The following MAD2L2 variants were observed in gnomAD, a reference collection of about 807,000 sequenced individuals.
MAD2L2 encodes mitotic spindle assembly checkpoint protein MAD2B.
MAD2L2 carries 17 observed loss-of-function variants against 30.5 expected under a neutral mutation model. The observed-to-expected ratio is 0.56, with a 90% CI of 0.38 to 0.84. MAD2L2 has a LOEUF of 0.84. Ranked by LOEUF, MAD2L2 falls within the 40% of genes least tolerant of loss-of-function variation. The pLI, the probability that MAD2L2 is intolerant of heterozygous loss-of-function variation, is 0.00. For synonymous variants in MAD2L2, 101 were observed against 113.9 expected (o/e 0.89, Z 0.72); for missense variants, 213 against 277.4 (o/e 0.77, Z 1.65).
intron 3 of MAD2L2, 98 bp from the exon 4 acceptor site, chr1:11,677,712 A>C: frequency 2.1e-6 from 2 of 959,132 alleles, no homozygotes; most frequent in East Asian, 5.1e-5. Context: ...CTTCGGTCCG[A>C]GGCCCAGCAG....
Position 11,680,407 on chromosome 1 carries a change from C to G in MAD2L2, c.105G>C (p.Glu35Asp). ...VAVHLILYVR[E>D]VYPVGIFQKR... Reference sequence around the variant, plus strand: ...TCTGGAAGATGCCCACGGGGTAGACCTCGCGCACGTAGAGGATGAGATGCA... The same window carrying G: ...TCTGGAAGATGCCCACGGGGTAGACGTCGCGCACGTAGAGGATGAGATGCA... The change falls in exon 3 of 9, where the codon GAG becomes GAC. Residue 35 changes from glutamate (E) to aspartate (D), a missense_variant. Glu to Asp is a conservative substitution (Grantham distance 45, BLOSUM62 2). Coordinates refer to ENST00000376692, the MANE Select transcript of MAD2L2 (RefSeq NM_006341.4). The G allele has an allele frequency of 1.9e-6, 3 of 1,614,026 alleles. No homozygotes were observed. The highest frequency in any genetic ancestry group is 2.5e-6 in the Non-Finnish European group (3 of 1,179,974).
At chr1:11,684,186 A>C (rs1398142299), upstream of MAD2L2, among the ~76,000 whole-genome samples, 1 of 144,662 alleles carries the variant, frequency 6.9e-6, no homozygotes, top group Admixed American at 6.8e-5. Flanking sequence ...GGGCAGGGGC[A>C]GGGGGCCGAG....
chr1:11,679,045 TC>T (rs1258173076), intron 3 of MAD2L2, among the ~76,000 whole-genome samples: 1 of 152,162 alleles, frequency 6.6e-6, no homozygotes, highest in East Asian at 1.9e-4. Context: ...ACGCCTGTAA[TC>T]CCAGCTACTC....
chr1:11,679,289 T>C (rs1317025325), intron 3 of MAD2L2, among the ~76,000 whole-genome samples: 2 of 152,248 alleles, frequency 1.3e-5, no homozygotes, highest in Non-Finnish European at 2.9e-5. Flanking sequence ...GGGGACCACC[T>C]GGATGTCCTT....
At chr1:11,685,978 A>T (rs893678160), upstream of MAD2L2, among the ~76,000 whole-genome samples, 2 of 152,202 alleles carry the variant, frequency 1.3e-5, no homozygotes, top group East Asian at 1.9e-4. Context: ...AATAAAGTGC[A>T]CAATGCCTGG....
rs368312277 is a variant in MAD2L2, at chr1:11,680,625, G to C, written c.-12-12C>G. On this transcript the variant is annotated splice_polypyrimidine_tract_variant and intron_variant, in intron 1 of 8. Coordinates refer to ENST00000376692, the MANE Select transcript of MAD2L2 (RefSeq NM_006341.4). ...ATCCTTCCCGCTACCTGAGTGTTGG[G>C]GCAAGGGCAGAGGGTAGTTCCAGAG... 1 of 1,548,732 alleles carries C rather than the reference G, an allele frequency of 6.5e-7. No individual in the cohort carries two copies. The highest frequency in any genetic ancestry group is 1.8e-4 in the Middle Eastern group (1 of 5,702).
upstream of MAD2L2, among the ~76,000 whole-genome samples, chr1:11,685,381 A>G (rs1640941088): frequency 6.6e-6 from 1 of 152,200 alleles, no homozygotes; most frequent in Non-Finnish European, 1.5e-5. Context: ...CGTCGACTTC[A>G]GTGCCCGGGC....
Position 11,676,221 on chromosome 1 carries a change from G to A in MAD2L2, c.333-81C>T, listed in dbSNP as rs948673208. On this transcript the variant is annotated intron_variant, in intron 5 of 8. Coordinates refer to ENST00000376692, the MANE Select transcript of MAD2L2 (RefSeq NM_006341.4). ...CATCAAGCCTGGATGCAGACCTGGG[G>A]TACAAGACCCCCTCCAGTGCCTGTG... The A allele has an allele frequency of 5.2e-4, 451 of 867,794 alleles. 4 individuals carry two copies. Among genetic ancestry groups the A allele is most frequent in the Middle Eastern group, 3.5e-4 (1 of 2,822 alleles). 53.8% of individuals were successfully genotyped at this position (867,794 alleles called of 1,614,324 possible). A position where few individuals can be genotyped will look rare whatever the true frequency, so the allele number is the denominator to read the frequency against.
chr1:11,677,313 C>G (rs28924109), intron 4 of MAD2L2: 1 of 598,842 alleles, frequency 1.7e-6, no homozygotes, highest in South Asian at 2.1e-5. Context: ...TTAGAGCCAG[C>G]TCCAACCCGG....
chr1:11,679,895 G>A (rs1407894274), intron 3 of MAD2L2, among the ~76,000 whole-genome samples: 1 of 151,920 alleles, frequency 6.6e-6, no homozygotes, highest in Non-Finnish European at 1.5e-5. Flanking sequence ...TCTGAGGGGT[G>A]GGTAGGCATC....
intron 3 of MAD2L2, among the ~76,000 whole-genome samples, chr1:11,679,721 C>T (rs1024605350): frequency 5.9e-5 from 9 of 152,044 alleles, no homozygotes; most frequent in Admixed American, 2.0e-4. Context: ...GAGACAGGAT[C>T]TCATCATGTT....
At chr1:11,685,466 C>A (rs981474384), upstream of MAD2L2, among the ~76,000 whole-genome samples, 1 of 152,152 alleles carries the variant, frequency 6.6e-6, no homozygotes, top group Admixed American at 6.5e-5. Context: ...CCTATGGTGT[C>A]CCCAGCACCC....
Position 11,688,326 on chromosome 1 carries a change from G to A in MAD2L2, c.-692+3087C>T, listed in dbSNP as rs1337206654. Among the ~76,000 whole-genome samples, 6 of 152,162 alleles carry A rather than the reference G, an allele frequency of 3.9e-5. No individual in the cohort carries two copies. The East Asian group carries it at 5.8e-4, about 15-fold the overall frequency. On this transcript the variant is annotated intron_variant, in intron 1 of 10. Transcript: ENST00000235310. This position sits in a 1 kb window ranked among gnomAD's most constrained non-coding sequence, Gnocchi z 4.6. ...TGTAATCCCAGAACTTTGGGAGGCC[G>A]AGGCTGGCGAATCACCTGAGGTCAG...
chr1:11,676,240 G>A, intron 5 of MAD2L2, 100 bp from the exon 6 acceptor site: 2 of 692,216 alleles, frequency 2.9e-6, no homozygotes, highest in Non-Finnish European at 4.9e-6. Context: ...CCCCTCCAGT[G>A]CCTGTGAGAG....
rs1640721172 is a variant in MAD2L2, at chr1:11,674,491, C to T, written c.*284G>A. 1 of 381,420 alleles carries T rather than the reference C, an allele frequency of 2.6e-6. No individual in the cohort carries two copies. Among genetic ancestry groups the T allele is most frequent in the Admixed American group, 4.5e-5 (1 of 22,430 alleles). 23.6% of individuals were successfully genotyped at this position (381,420 alleles called of 1,614,324 possible). On this transcript the variant is annotated 3_prime_UTR_variant, in exon 9 of 9. Coordinates refer to ENST00000376692, the MANE Select transcript of MAD2L2 (RefSeq NM_006341.4). This position sits in a 1 kb window ranked among gnomAD's most constrained non-coding sequence, Gnocchi z 6.1. ...AATGATGGCTCAGCTCAGCCCAGCC[C>T]TTGGGGCCCCTTTATTGAAACAACT...
At position 11,674,637 on chromosome 1, in the gene MAD2L2, G is replaced by A. The variant is rs1570282719; in HGVS notation, c.*138C>T. 1.3e-5 allele frequency: 11 copies of A among 868,632 alleles called. No homozygotes were observed. The highest frequency in any genetic ancestry group is 5.0e-5 in the East Asian group (2 of 39,838). The allele number at this position is 868,632 out of a possible 1,614,324, so 53.8% of individuals were successfully genotyped here. ...AGGCATCCTCCAAGCAGACCTGAGC[G>A]GCCCCGGGCTGGGGCGGGCGATCCA... On this transcript the variant is annotated 3_prime_UTR_variant, in exon 9 of 9. Transcript: ENST00000376692. This position sits in a 1 kb window ranked among gnomAD's most constrained non-coding sequence, Gnocchi z 6.1.
intron 3 of MAD2L2, among the ~76,000 whole-genome samples, 167 bp downstream of exon 3, chr1:11,680,186 G>A (rs932645882): frequency 6.6e-6 from 1 of 151,534 alleles, no homozygotes; most frequent in Non-Finnish European, 1.5e-5. Flanking sequence ...AGTAGAGACG[G>A]GGTTTCACCA....
chr1:11,675,631 C>A, intron 7 of MAD2L2, 27 bp downstream of exon 7: 1 of 1,610,694 alleles, frequency 6.2e-7, no homozygotes, highest in Non-Finnish European at 8.5e-7. Flanking sequence ...AGAGCCTGCG[C>A]CCAGACCCAG....
chr1:11,680,888 G>T, intron 1 of MAD2L2, 151 bp downstream of exon 1: 1 of 791,036 alleles, frequency 1.3e-6, no homozygotes, highest in Non-Finnish European at 1.7e-6. Context: ...GGGCAGGGCC[G>T]CGGACGCAGA....
Sources: allele counts gnomAD v4.1 joint callset (sites outside exome capture counted in the v4.1 genomes callset), GRCh38; gene constraint gnomAD v4.1.1; non-coding constraint Gnocchi (gnomAD v3.1); transcripts MANE v1.5; gene names NCBI Gene and HGNC (gene_info 2026-07-23, HGNC 2026-07-21).